ADGRA2: variants seen among roughly 807,000 people sequenced by gnomAD.
ADGRA2 encodes adhesion G protein-coupled receptor A2, also known as G-protein coupled receptor 124.
Under a neutral mutation model 98.7 loss-of-function variants are expected in ADGRA2, and 61 were observed. The ratio of observed to expected loss-of-function variants is 0.62; its 90% CI spans 0.50 to 0.76. The LOEUF is 0.76. Ranked by LOEUF, ADGRA2 falls within the 30% of genes least tolerant of loss-of-function variation. ADGRA2 has a pLI of 0.00. For missense variants in ADGRA2, 1,712 were observed against 1,860.0 expected (o/e 0.92, Z 1.46); for synonymous variants, 858 against 831.5 (o/e 1.03, Z -0.55).
chr8:37,821,535 G>A (rs974588317), intron 2 of ADGRA2, among the ~76,000 whole-genome samples: 7 of 152,224 alleles, frequency 4.6e-5, no homozygotes, highest in Admixed American at 2.0e-4. Context: ...CTAGGCCACA[G>A]GAAGACTTTT....
rs186505900 is a variant in ADGRA2 at position 37,835,790 on chromosome 8, G to A, written c.2050+20G>A. ...GAACCAGTAAGGGACTGAATTCCCC[G>A]CCCCGCCCAGGGTGCCTCTCGTGTG... On this transcript the variant is annotated intron_variant, in intron 13 of 18. Coordinates refer to ENST00000412232, the MANE Select transcript of ADGRA2 (RefSeq NM_032777.10). 26 of 1,520,152 alleles carry A rather than the reference G, an allele frequency of 1.7e-5. No homozygotes were observed. The highest frequency in any genetic ancestry group is 6.8e-5 in the East Asian group (3 of 44,204). The allele number at this position is 1,520,152 out of a possible 1,614,324, so 94.2% of individuals were successfully genotyped here.
At chr8:37,839,689 G>A (rs1805733204) in intron 16 of ADGRA2, 67 bp downstream of exon 16, 15 of 1,572,174 alleles carry the variant, frequency 9.5e-6, no homozygotes, top group Non-Finnish European at 5.2e-6. Context: ...GCATAGAGTG[G>A]GGTGATGCGC....
chr8:37,837,803 C>A lies in ADGRA2; in HGVS notation c.2123C>A (p.Pro708His). The A allele has an allele frequency of 1.3e-6, 2 of 1,546,230 alleles. No individual in the cohort carries two copies. Among genetic ancestry groups the A allele is most frequent in the Non-Finnish European group, 1.7e-6 (2 of 1,144,554 alleles). The change falls in exon 14 of 19, where the codon CCT becomes CAT. Residue 708 changes from proline to histidine, a missense_variant. Coordinates refer to ENST00000412232, the MANE Select transcript of ADGRA2 (RefSeq NM_032777.10). ...CGGCACTGGGCTGAGGGAGCCGAAC[C>A]TGTGGCCGCTTGGTGGAGCCAGGAG... The part of the protein sequence containing the change: ...SLRHWAEGAE[P>H]VAAWWSQEGP...
At chr8:37,829,190 A>C in intron 3 of ADGRA2, 71 bp from the exon 4 acceptor site, 2 of 1,119,892 alleles carry the variant, frequency 1.8e-6, no homozygotes, top group Non-Finnish European at 1.4e-6. Flanking sequence ...GGCCCCACCC[A>C]TGTGTTCCTC....
At position 37,814,427 on chromosome 8, in the gene ADGRA2, G is replaced by A. The variant is rs1804922621; in HGVS notation, c.267-469G>A. Among the ~76,000 whole-genome samples, 1 of 152,186 alleles carries A rather than the reference G, an allele frequency of 6.6e-6. No individual in the cohort carries two copies. The highest frequency in any genetic ancestry group is 2.1e-4 in the South Asian group (1 of 4,832). On this transcript the variant is annotated intron_variant, in intron 1 of 18. Coordinates refer to ENST00000412232, the MANE Select transcript of ADGRA2 (RefSeq NM_032777.10). This position sits in a 1 kb window ranked among gnomAD's most constrained non-coding sequence, Gnocchi z 4.3. Reference sequence around the variant, plus strand: ...CACAGGTGAGAGTGTGCGAGCCTCCGAGGAAGGGCAGCTCCCGCCTGCCTC... The same window carrying A: ...CACAGGTGAGAGTGTGCGAGCCTCCAAGGAAGGGCAGCTCCCGCCTGCCTC...
intron 2 of ADGRA2, among the ~76,000 whole-genome samples, chr8:37,825,709 A>T (rs929290185): frequency 6.6e-5 from 10 of 152,200 alleles, no homozygotes; most frequent in Non-Finnish European, 1.5e-4. Context: ...GGAGACCTGC[A>T]GGTCCCAAAA....
In ADGRA2 at chr8:37,844,170, G is replaced by A. The variant is rs767472870; in HGVS notation, c.*1815G>A. On this transcript the variant is annotated 3_prime_UTR_variant, in exon 19 of 19. Coordinates refer to ENST00000412232, the MANE Select transcript of ADGRA2 (RefSeq NM_032777.10). ...CCCCCTCAGGCCTGCAGGAGGAGCCGCAGCAGTGTGTCCAATTCAAACCAG... is the reference window on the plus strand; with the variant it reads ...CCCCCTCAGGCCTGCAGGAGGAGCCACAGCAGTGTGTCCAATTCAAACCAG... 32 of 305,730 alleles carry A rather than the reference G, an allele frequency of 1.0e-4. No homozygotes were observed. The highest frequency in any genetic ancestry group is 4.9e-4 in the East Asian group (8 of 16,184). 18.9% of individuals were successfully genotyped at this position (305,730 alleles called of 1,614,324 possible).
In ADGRA2 at chr8:37,834,473, A is replaced by G. The variant is rs913094057; in HGVS notation, c.1608+345A>G. Among the ~76,000 whole-genome samples, 2 of 152,184 alleles carry G rather than the reference A, an allele frequency of 1.3e-5. No homozygotes were observed. The highest frequency in any genetic ancestry group is 4.8e-5 in the African/African-American group (2 of 41,440). On this transcript the variant is annotated intron_variant, in intron 11 of 18. Transcript: ENST00000412232. The surrounding 1 kb of genome is among the most constrained non-coding windows in gnomAD (Gnocchi z 4.2). ...AAGAGTAATGGAAGTTCCCTGAGAG[A>G]AGGTGAGTGCTCCAATCTGATAACA...
rs139607341 is a variant in ADGRA2 at position 37,839,697 on chromosome 8, C to T, written c.2511+75C>T. The T allele has an allele frequency of 2.4e-3, 3,757 of 1,546,486 alleles. 9 individuals are homozygous for T. Among genetic ancestry groups the T allele is most frequent in the Middle Eastern group, 8.3e-3 (48 of 5,810 alleles). On this transcript the variant is annotated intron_variant, in intron 16 of 18. Coordinates refer to ENST00000412232, the MANE Select transcript of ADGRA2 (RefSeq NM_032777.10). ...CACCTAGGCATAGAGTGGGGTGATG[C>T]GCTGGAAGAAAAAGGCTGGTGCTCA...
At chr8:37,812,483 C>G (rs547723474) in intron 1 of ADGRA2, among the ~76,000 whole-genome samples, 23 of 152,032 alleles carry the variant, frequency 1.5e-4, no homozygotes, top group Non-Finnish European at 2.9e-4. Context: ...AAAAATTAGC[C>G]GGGCGTGGTG....
At chr8:37,839,766 C>A in intron 16 of ADGRA2, 144 bp downstream of exon 16, 1 of 1,048,364 alleles carries the variant, frequency 9.5e-7, no homozygotes, top group Non-Finnish European at 1.4e-6. Context: ...CCTTGGAAGG[C>A]AGGGATGGTG....
chr8:37,835,620 G>A lies in ADGRA2; in HGVS notation c.1900G>A (p.Ala634Thr), dbSNP rs1227849649. The A allele has an allele frequency of 5.6e-6, 9 of 1,613,554 alleles. No individual in the cohort carries two copies. Among genetic ancestry groups the A allele is most frequent in the African/African-American group, 1.3e-5 (1 of 74,878 alleles). ...ATTCTCATCCCTTCCGGCTGCCCTG[G>A]CTCCCCCGGTGCCCCCAGACTGCAC... ...SLFSSLPAAL[A>T]PPVPPDCTLQ... The change falls in exon 13 of 19, where the codon GCT (alanine) becomes ACT (threonine). Residue 634 changes from alanine (A) to threonine (T), a missense_variant. Physicochemically the swap from Ala to Thr is moderately conservative, Grantham distance 58. Coordinates refer to ENST00000412232, the MANE Select transcript of ADGRA2 (RefSeq NM_032777.10).
intron 1 of ADGRA2, among the ~76,000 whole-genome samples, chr8:37,812,082 A>G (rs921196322): frequency 1.7e-4 from 26 of 152,060 alleles, no homozygotes; most frequent in African/African-American, 6.0e-4. Context: ...AGTCTGGGCC[A>G]CAGAATGAGA....
rs148484896 is a variant in ADGRA2 at position 37,800,057 on chromosome 8, G to A, written c.266+2523G>A. Among the ~76,000 whole-genome samples, 376 of 152,348 alleles carry A rather than the reference G, an allele frequency of 2.5e-3. 2 individuals carry two copies. Among genetic ancestry groups the A allele is most frequent in the African/African-American group, 8.4e-3 (348 of 41,568 alleles). On this transcript the variant is annotated intron_variant, in intron 1 of 18. Transcript: ENST00000412232. ...ACCCACCCCAGGATGCATCTTGAGGGAGGGAGCAGGAGAAAGTCTGTGTAG... is the reference window on the plus strand; with the variant it reads ...ACCCACCCCAGGATGCATCTTGAGGAAGGGAGCAGGAGAAAGTCTGTGTAG...
Position 37,839,585 on chromosome 8 carries a change from G to C in ADGRA2, c.2474G>C (p.Gly825Ala). The change falls in exon 16 of 19, where the codon GGC becomes GCC. Residue 825 changes from glycine (G) to alanine (A), a missense_variant. Gly to Ala is a moderately conservative substitution (Grantham distance 60). Transcript: ENST00000412232. ...ATGACCTCTGCTGTCTTTGCGGGGG[G>C]CATCACACTCACCAACTACCAGATG... The part of the protein sequence containing the change: ...IAMTSAVFAG[G>A]ITLTNYQMVC... The C allele has an allele frequency of 6.2e-7, 1 of 1,614,128 alleles. No homozygotes were observed. The highest frequency in any genetic ancestry group is 1.1e-5 in the South Asian group (1 of 91,084).
chr8:37,815,461 G>A (rs1004811117), intron 2 of ADGRA2, among the ~76,000 whole-genome samples: 17 of 152,228 alleles, frequency 1.1e-4, no homozygotes, highest in Admixed American at 2.6e-4. Flanking sequence ...CTGGTTCAGA[G>A]CCGCCTGGGC....
At chr8:37,804,970 C>T (rs1030041663) in intron 1 of ADGRA2, among the ~76,000 whole-genome samples, 1 of 152,240 alleles carries the variant, frequency 6.6e-6, no homozygotes, top group African/African-American at 2.4e-5. Context: ...CCAACTGTTT[C>T]CTCTTCCTCT....
At chr8:37,837,253 G>T (rs1441351925) in intron 13 of ADGRA2, among the ~76,000 whole-genome samples, 1 of 152,224 alleles carries the variant, frequency 6.6e-6, no homozygotes, top group South Asian at 2.1e-4. Context: ...CTGTGGGAGT[G>T]TGTGGGTTGA....
chr8:37,840,911 C>A, intron 18 of ADGRA2, 62 bp downstream of exon 18: 2 of 1,112,726 alleles, frequency 1.8e-6, no homozygotes, highest in South Asian at 1.3e-5. Context: ...TTCCACTCCA[C>A]TGGCAGGGCC....
Sources: gnomAD v4.1 joint callset for allele counts (sites outside exome capture counted in the v4.1 genomes callset) on GRCh38, gnomAD v4.1.1 for gene constraint, Gnocchi (gnomAD v3.1) non-coding constraint, MANE v1.5 for transcripts, NCBI Gene and HGNC (gene_info 2026-07-23, HGNC 2026-07-21) for gene names.